The following DTNA variants were observed in gnomAD, a reference collection of about 807,000 sequenced individuals.
DTNA encodes the protein dystrophin-related protein 3.
Under a neutral mutation model 100.7 loss-of-function variants are expected in DTNA, and 43 were observed. That is an observed-to-expected ratio of 0.43 (90% CI 0.33 to 0.55). The LOEUF is 0.55. Among genes scored for constraint, DTNA ranks in the 20% least tolerant of loss-of-function variants. The probability of loss-of-function intolerance (pLI) is 0.04; values close to 1 mark genes in which losing one functional copy is unlikely to be tolerated. For synonymous variants in DTNA, 349 were observed against 347.9 expected (o/e 1.00, Z -0.04); for missense variants, 798 against 953.9 (o/e 0.84, Z 2.15).
chr18:34,571,427 G>A (rs1312497980), intron 1 of DTNA, among the ~76,000 whole-genome samples: 7 of 152,004 alleles, frequency 4.6e-5, no homozygotes, highest in East Asian at 1.9e-4. Context: ...TATGAATGGC[G>A]CACCCTAAAC....
At chr18:34,672,524 T>A (rs1416267271) in intron 1 of DTNA, among the ~76,000 whole-genome samples, 1 of 152,174 alleles carries the variant, frequency 6.6e-6, no homozygotes, top group Non-Finnish European at 1.5e-5. Flanking sequence ...ACTTACTGCT[T>A]TACCTTGAAA....
intron 1 of DTNA, among the ~76,000 whole-genome samples, chr18:34,633,934 A>T (rs1314081912): frequency 6.6e-6 from 1 of 152,238 alleles, no homozygotes; most frequent in Non-Finnish European, 1.5e-5. Context: ...TTGAGATAAC[A>T]TGGGAAATCT....
chr18:34,549,121 T>A (rs182782810), intron 1 of DTNA, among the ~76,000 whole-genome samples: 1 of 152,142 alleles, frequency 6.6e-6, no homozygotes, highest in Admixed American at 6.5e-5. Flanking sequence ...TTTCCCTTTC[T>A]CTCTCTCTGC....
chr18:34,499,052 G>A (rs988897865), intron 1 of DTNA, among the ~76,000 whole-genome samples: 28 of 152,150 alleles, frequency 1.8e-4, no homozygotes, highest in African/African-American at 6.8e-4. Context: ...GGATGTTGAC[G>A]TTGATACAGT....
At chr18:34,597,333 C>T (rs886328172) in intron 1 of DTNA, among the ~76,000 whole-genome samples, 3 of 152,162 alleles carry the variant, frequency 2.0e-5, no homozygotes, top group Non-Finnish European at 2.9e-5. Context: ...ATATCCAGTA[C>T]TAAGACATTT....
At chr18:34,781,572 T>C (rs1287235943) in intron 3 of DTNA, among the ~76,000 whole-genome samples, 1 of 152,100 alleles carries the variant, frequency 6.6e-6, no homozygotes, top group Non-Finnish European at 1.5e-5. Flanking sequence ...TCACTCAAGA[T>C]ACCTATAAAT....
chr18:34,875,243 A>G lies in DTNA; in HGVS notation c.1748A>G (p.Gln583Arg), dbSNP rs769821768. The G allele has an allele frequency of 1.7e-5, 28 of 1,613,732 alleles. No homozygotes were observed. Among genetic ancestry groups the G allele is most frequent in the Non-Finnish European group, 2.3e-5 (27 of 1,179,822 alleles). The part of the protein sequence containing the change: ...LEGLMKLLKT[Q>R]GAGSPRSSPS... ...TGACCTGCATTGTCTCTCCAGACTC[A>G]GGGGGCAGGCTCTCCCCGCTCCTCC... is the stretch of plus-strand genomic sequence containing the variant. The change falls in exon 18 of 23, where the codon CAG becomes CGG. Residue 583 changes from glutamine to arginine, a missense_variant. Gln to Arg is a conservative substitution (Grantham distance 43, BLOSUM62 1). Around this residue, in one of 6 missense-constraint regions of DTNA, gnomAD observed 242 missense variants for 238.2 expected, o/e 1.02. Transcript: ENST00000444659.
chr18:34,535,865 C>G (rs79363478), intron 1 of DTNA, among the ~76,000 whole-genome samples: 6,658 of 152,026 alleles, frequency 0.044, 390 homozygotes, highest in African/African-American at 0.14. Flanking sequence ...TTTAATTTGA[C>G]AAGTAGCACA....
At chr18:34,571,145 T>A (rs947860628) in intron 1 of DTNA, among the ~76,000 whole-genome samples, 4 of 152,036 alleles carry the variant, frequency 2.6e-5, no homozygotes, top group Non-Finnish European at 4.4e-5. Context: ...GGCTACAAAG[T>A]TTATGTTCTT....
intron 2 of DTNA, among the ~76,000 whole-genome samples, chr18:34,764,047 G>C (rs1369542543): frequency 6.6e-6 from 1 of 152,188 alleles, no homozygotes. Flanking sequence ...GGGGAAAAGA[G>C]TATGTGACTC....
At chr18:34,604,785 A>G (rs2052659763) in intron 1 of DTNA, among the ~76,000 whole-genome samples, 1 of 152,138 alleles carries the variant, frequency 6.6e-6, no homozygotes, top group Non-Finnish European at 1.5e-5. Context: ...TGCAAGTTAC[A>G]TTACATTTTT....
At chr18:34,868,718 C>T (rs960381634) in intron 17 of DTNA, 4 of 984,968 alleles carry the variant, frequency 4.1e-6, no homozygotes, top group East Asian at 1.1e-4. Context: ...TTATCCCTCT[C>T]GAGGAGAGAA....
At chr18:34,571,831 C>G (rs184770603) in intron 1 of DTNA, among the ~76,000 whole-genome samples, 1 of 152,214 alleles carries the variant, frequency 6.6e-6, no homozygotes, top group East Asian at 1.9e-4. Context: ...GTAGGTACTA[C>G]CTGGGCCACA....
At chr18:34,834,341 CA>C (rs966360420) in intron 11 of DTNA, among the ~76,000 whole-genome samples, 285 of 140,248 alleles carry the variant, frequency 2.0e-3, no homozygotes, top group African/African-American at 4.4e-3. Flanking sequence ...ATTAAAAATA[CA>C]AAAAAAAAAA....
intron 1 of DTNA, among the ~76,000 whole-genome samples, chr18:34,584,579 C>T (rs565180263): frequency 6.6e-5 from 10 of 152,138 alleles, no homozygotes; most frequent in African/African-American, 1.7e-4. Context: ...AAGATAATAA[C>T]GTTAGAGTTT....
chr18:34,754,269 A>T (rs758073544), intron 1 of DTNA, among the ~76,000 whole-genome samples: 1 of 152,088 alleles, frequency 6.6e-6, no homozygotes, highest in Non-Finnish European at 1.5e-5. Flanking sequence ...GTCATTTTGT[A>T]CACAGCTCAT....
chr18:34,655,190 A>T (rs1421244514), intron 1 of DTNA, among the ~76,000 whole-genome samples: 3 of 152,188 alleles, frequency 2.0e-5, no homozygotes, highest in Non-Finnish European at 4.4e-5. Context: ...GCTAGGTTCA[A>T]GAGGTGACCT....
chr18:34,502,935 A>G (rs977989440), intron 1 of DTNA, among the ~76,000 whole-genome samples: 5 of 152,130 alleles, frequency 3.3e-5, no homozygotes, highest in Non-Finnish European at 5.9e-5. Context: ...TAGTTTTCCT[A>G]TTAATGAAAA....
intron 1 of DTNA, among the ~76,000 whole-genome samples, chr18:34,754,807 A>G (rs747569318): frequency 3.3e-5 from 5 of 152,138 alleles, no homozygotes; most frequent in Admixed American, 6.5e-5. Context: ...ATTGAAAGGC[A>G]TTGTGTGCTG....
Sources: gnomAD v4.1 joint callset for allele counts (sites outside exome capture counted in the v4.1 genomes callset) on GRCh38, gnomAD v4.1.1 for gene constraint, gnomAD v4.1.1 regional missense constraint, MANE v1.5 for transcripts, NCBI Gene and HGNC (gene_info 2026-07-23, HGNC 2026-07-21) for gene names.